Variants in SNX30 observed in about 807,000 individuals in gnomAD.
The protein encoded by SNX30 is sorting nexin-30.
In SNX30, 24 loss-of-function variants were observed where a neutral mutation model predicts 46.4. The observed-to-expected ratio is 0.52, with a 90% CI of 0.37 to 0.73. The LOEUF is 0.73. SNX30 is among the 30% of genes least tolerant of loss of function. SNX30 has a pLI of 0.00. For synonymous variants in SNX30, 189 were observed against 211.5 expected (o/e 0.89, Z 0.92); for missense variants, 533 against 555.7 (o/e 0.96, Z 0.41).
intron 2 of SNX30, among the ~76,000 whole-genome samples, chr9:112,806,697 G>A (rs1241093920): frequency 6.6e-6 from 1 of 152,182 alleles, no homozygotes; most frequent in African/African-American, 2.4e-5. Flanking sequence ...AAGGCCACAT[G>A]CTGAGTGGAA....
chr9:112,760,416 A>G (rs1402936621), intron 1 of SNX30, among the ~76,000 whole-genome samples: 1 of 152,218 alleles, frequency 6.6e-6, no homozygotes, highest in Non-Finnish European at 1.5e-5. Context: ...ATCTTTTATT[A>G]GCCAAAATAG....
chr9:112,749,789 T>A (rs1420200330), upstream of SNX30, among the ~76,000 whole-genome samples: 1 of 152,212 alleles, frequency 6.6e-6, no homozygotes, highest in African/African-American at 2.4e-5. Context: ...TTTTAGCAGG[T>A]AAGGCTAGGC....
chr9:112,879,311 G>A (rs1382278186), downstream of SNX30: 2 of 156,592 alleles, frequency 1.3e-5, no homozygotes, highest in Non-Finnish European at 2.8e-5. Flanking sequence ...TTCCCCTCAG[G>A]CTGTGATAAT....
At chr9:112,830,984 A>G (rs1840651437) in intron 4 of SNX30, 101 bp downstream of exon 4, 4 of 1,250,590 alleles carry the variant, frequency 3.2e-6, no homozygotes, top group Non-Finnish European at 4.4e-6. Context: ...AAAAACTTTT[A>G]ACAAATAGCC....
At chr9:112,855,052 A>G (rs1375229845) in intron 7 of SNX30, among the ~76,000 whole-genome samples, 1 of 152,044 alleles carries the variant, frequency 6.6e-6, no homozygotes, top group African/African-American at 2.4e-5. Flanking sequence ...ATTGTTTCCT[A>G]TGTCCTCAAG....
chr9:112,762,681 C>T (rs975963567), intron 1 of SNX30, among the ~76,000 whole-genome samples: 1 of 152,276 alleles, frequency 6.6e-6, no homozygotes. Context: ...CTTGTCGTTG[C>T]CTTAGAAGCA....
chr9:112,824,754 A>G (rs978172662), intron 3 of SNX30, among the ~76,000 whole-genome samples: 1 of 152,094 alleles, frequency 6.6e-6, no homozygotes, highest in Non-Finnish European at 1.5e-5. Context: ...CCAGCAGCAT[A>G]TCTGTCATCA....
At chr9:112,862,130 C>T (rs928585821) in intron 7 of SNX30, among the ~76,000 whole-genome samples, 3 of 152,232 alleles carry the variant, frequency 2.0e-5, no homozygotes, top group African/African-American at 7.2e-5. Flanking sequence ...AACCCACAGC[C>T]GTGGTTTAGA....
chr9:112,865,040 C>CA (rs1351209891), intron 8 of SNX30, among the ~76,000 whole-genome samples: 1 of 150,970 alleles, frequency 6.6e-6, no homozygotes, highest in Non-Finnish European at 1.5e-5. Context: ...ACCCCACACA[C>CA]ACACTACACA....
intron 2 of SNX30, among the ~76,000 whole-genome samples, chr9:112,813,045 G>A (rs562946598): frequency 6.6e-6 from 1 of 152,130 alleles, no homozygotes; most frequent in African/African-American, 2.4e-5. Flanking sequence ...TACTTGGGAG[G>A]CTAAGGCAGG....
intron 1 of SNX30, among the ~76,000 whole-genome samples, chr9:112,796,395 C>T (rs994575623): frequency 1.3e-5 from 2 of 152,140 alleles, no homozygotes; most frequent in Non-Finnish European, 2.9e-5. Flanking sequence ...AGATGTTGTC[C>T]CCCTACAAAT....
intron 1 of SNX30, among the ~76,000 whole-genome samples, chr9:112,774,520 T>C (rs1839707221): frequency 6.6e-6 from 1 of 152,214 alleles, no homozygotes; most frequent in African/African-American, 2.4e-5. Flanking sequence ...GTGCAAGTCT[T>C]TGGTTGACGT....
chr9:112,841,109 G>A (rs557450359), intron 6 of SNX30, among the ~76,000 whole-genome samples: 1 of 152,186 alleles, frequency 6.6e-6, no homozygotes, highest in Admixed American at 6.5e-5. Flanking sequence ...TGGAGTGTCC[G>A]TGGATTTGTC....
intron 3 of SNX30, among the ~76,000 whole-genome samples, chr9:112,827,885 T>C (rs1482841704): frequency 6.6e-6 from 1 of 152,220 alleles, no homozygotes; most frequent in East Asian, 1.9e-4. Flanking sequence ...ATAGACCTGC[T>C]TGGCCAACGT....
At chr9:112,774,078 A>G (rs1839698180) in intron 1 of SNX30, among the ~76,000 whole-genome samples, 1 of 152,236 alleles carries the variant, frequency 6.6e-6, no homozygotes, top group Admixed American at 6.5e-5. Flanking sequence ...TAGGAAGTTC[A>G]TATTCCATTC....
intron 7 of SNX30, among the ~76,000 whole-genome samples, chr9:112,862,235 T>C (rs1841250239): frequency 6.6e-6 from 1 of 152,226 alleles, no homozygotes; most frequent in Non-Finnish European, 1.5e-5. Flanking sequence ...CAGTCCTGAT[T>C]CAGAGACCCT....
intron 4 of SNX30, among the ~76,000 whole-genome samples, 156 bp from the exon 5 acceptor site, chr9:112,836,058 A>G (rs1295867414): frequency 6.6e-6 from 1 of 152,222 alleles, no homozygotes; most frequent in Non-Finnish European, 1.5e-5. Context: ...CGTCCAGGCC[A>G]GGTTCCTCCT....
At chr9:112,865,105 A>G (rs932645056) in intron 8 of SNX30, among the ~76,000 whole-genome samples, 1 of 76,112 alleles carries the variant, frequency 1.3e-5, no homozygotes, top group African/African-American at 5.4e-5. Context: ...CACACCCCCC[A>G]TACTACATGC....
rs367920655 is a variant in SNX30 at position 112,868,777 on chromosome 9, G to A, written c.1255-7G>A. ...GCTGATACTGTGTGTGTATGTTGTC[G>A]TTCCAGTGCCTCATGGCGTGGGAGT... On this transcript the variant is annotated splice_region_variant and splice_polypyrimidine_tract_variant and intron_variant, in intron 8 of 8. Coordinates refer to ENST00000374232, the MANE Select transcript of SNX30 (RefSeq NM_001012994.2). 177 of 1,614,018 alleles carry A rather than the reference G, an allele frequency of 1.1e-4. 1 individual carries two copies. In the African/African-American group the frequency reaches 2.0e-3, roughly 19 times the overall value.
Sources: allele counts gnomAD v4.1 joint callset (sites outside exome capture counted in the v4.1 genomes callset), GRCh38; gene constraint gnomAD v4.1.1; transcripts MANE v1.5; gene names NCBI Gene and HGNC (gene_info 2026-07-23, HGNC 2026-07-21).